The following PZP variants were observed in gnomAD, a reference collection of about 807,000 sequenced individuals.
PZP encodes PZP alpha-2-macroglobulin like.
In PZP, 150 loss-of-function variants were observed where a neutral mutation model predicts 179.8. The observed-to-expected ratio is 0.83, with a 90% CI of 0.73 to 0.96. The LOEUF is 0.96. Among genes scored for constraint, PZP ranks in the 40% least tolerant of loss-of-function variants. The probability of loss-of-function intolerance (pLI) is 0.00; values close to 1 mark genes in which losing one functional copy is unlikely to be tolerated. For synonymous variants in PZP, 624 were observed against 652.3 expected (o/e 0.96, Z 0.66); for missense variants, 1,689 against 1,764.0 (o/e 0.96, Z 0.76).
At position 9,168,885 on chromosome 12, in the gene PZP, A is replaced by T; in HGVS notation, c.2091T>A (p.Gly697=). The change falls in exon 17 of 36, where the codon GGT becomes GGA. Residue 697 remains glycine, a synonymous_variant. Coordinates refer to ENST00000261336, the MANE Select transcript of PZP (RefSeq NM_002864.3). Reference sequence around the variant, plus strand: ...CTGTTTTACCTCCATAGTATCCTTGACCTACTGCTCCTGCAGACACGGAAG... The same window carrying T: ...CTGTTTTACCTCCATAGTATCCTTGTCCTACTGCTCCTGCAGACACGGAAG... ...VIPSVSAGAV[G]QGYYGAGLGV... is the part of the protein sequence containing the mutation. The T allele has an allele frequency of 6.2e-7, 1 of 1,613,616 alleles. No homozygotes were observed. The highest frequency in any genetic ancestry group is 1.1e-5 in the South Asian group (1 of 91,024).
intron 25 of PZP, 52 bp downstream of exon 25, chr12:9,159,886 T>C (rs1021822749): frequency 6.9e-7 from 1 of 1,453,730 alleles, no homozygotes. Flanking sequence ...AGGTAATCTA[T>C]GTGCACGTTC....
chr12:9,170,485 G>A lies in PZP; in HGVS notation c.1840-894C>T, dbSNP rs766919491. On this transcript the variant is annotated intron_variant, in intron 15 of 35. Coordinates refer to ENST00000261336, the MANE Select transcript of PZP (RefSeq NM_002864.3). This position sits in a 1 kb window ranked among gnomAD's most constrained non-coding sequence, Gnocchi z 4.6. Reference sequence around the variant, plus strand: ...GGGGCTAAATTCAGAGAGCCAAAGAGCATCATCCTGTGGACCCCACTTCCA... The same window carrying A: ...GGGGCTAAATTCAGAGAGCCAAAGAACATCATCCTGTGGACCCCACTTCCA... Among the ~76,000 whole-genome samples, 12 of 152,320 alleles carry A rather than the reference G, an allele frequency of 7.9e-5. No individual in the cohort carries two copies. The East Asian group carries it at 2.3e-3, about 29-fold the overall frequency.
chr12:9,187,002 A>T (rs1355405951), intron 13 of PZP, among the ~76,000 whole-genome samples: 3 of 151,082 alleles, frequency 2.0e-5, no homozygotes, highest in South Asian at 2.1e-4. Context: ...AGTATAATTT[A>T]AAAAAAAAGA....
intron 10 of PZP, among the ~76,000 whole-genome samples, chr12:9,194,752 C>G (rs1392074264): frequency 1.3e-5 from 2 of 152,106 alleles, no homozygotes; most frequent in Non-Finnish European, 2.9e-5. Context: ...GCGTGAGCCA[C>G]CGTGCCCGGC....
At chr12:9,190,990 T>G (rs11049351) in intron 13 of PZP, among the ~76,000 whole-genome samples, 43,467 of 152,006 alleles carry the variant, frequency 0.29, 6,392 homozygotes, top group East Asian at 0.4. Context: ...TATTAAAATA[T>G]GTGGTTAAAA....
intron 7 of PZP, among the ~76,000 whole-genome samples, chr12:9,199,359 G>C (rs903564039): frequency 2.0e-5 from 3 of 152,108 alleles, no homozygotes; most frequent in Non-Finnish European, 2.9e-5. Context: ...GACAGGATTA[G>C]TATTTATGGT....
chr12:9,166,650 A>T (rs1016899244), intron 17 of PZP, among the ~76,000 whole-genome samples: 1 of 152,260 alleles, frequency 6.6e-6, no homozygotes, highest in Non-Finnish European at 1.5e-5. Flanking sequence ...TTACTTTTAC[A>T]TAAATTAAAT....
chr12:9,185,075 G>T (rs1943019273), intron 13 of PZP, among the ~76,000 whole-genome samples: 1 of 152,166 alleles, frequency 6.6e-6, no homozygotes, highest in Non-Finnish European at 1.5e-5. Flanking sequence ...TCTTAATAGG[G>T]CTGAGATGGC....
intron 22 of PZP, chr12:9,162,294 ACT>A (rs1049461404): frequency 3.7e-6 from 1 of 269,250 alleles, no homozygotes; most frequent in African/African-American, 2.2e-5. Context: ...ATCCTGGGAC[ACT>A]CTAAGCTTCT....
rs374358584 is a variant in PZP at position 9,153,120 on chromosome 12, C to T, written c.3993+5G>A. ...ACTCTCACCCATATAAGCTTGGAGC[C>T]CTACCTGAAGATACACACATCTTTC... is the stretch of plus-strand genomic sequence containing the variant. On this transcript the variant is annotated splice_donor_5th_base_variant and intron_variant, in intron 30 of 35. Transcript: ENST00000261336. 6.8e-5 allele frequency: 109 copies of T among 1,613,630 alleles called. No homozygotes were observed. Among genetic ancestry groups the T allele is most frequent in the Non-Finnish European group, 8.6e-5 (102 of 1,179,692 alleles).
At chr12:9,156,416 G>C (rs1262966181) in intron 28 of PZP, 1 of 157,756 alleles carries the variant, frequency 6.3e-6, no homozygotes, top group African/African-American at 2.4e-5. Flanking sequence ...TGGCTGATGA[G>C]ATCCTGGTAG....
intron 13 of PZP, among the ~76,000 whole-genome samples, chr12:9,188,662 G>T (rs1028748825): frequency 9.2e-5 from 14 of 152,106 alleles, no homozygotes; most frequent in African/African-American, 3.4e-4. Context: ...GCTGAAAAAT[G>T]ATGTTAGCAA....
chr12:9,188,532 G>T (rs1943261720), intron 13 of PZP, among the ~76,000 whole-genome samples: 1 of 152,134 alleles, frequency 6.6e-6, no homozygotes, highest in African/African-American at 2.4e-5. Flanking sequence ...GAACAATCGG[G>T]CAAGACAAAG....
intron 34 of PZP, 93 bp downstream of exon 34, chr12:9,150,551 T>G: frequency 1.2e-6 from 1 of 826,362 alleles, no homozygotes; most frequent in Non-Finnish European, 2.0e-6. Context: ...AAAAGATTAA[T>G]GTTGACTAAG....
At chr12:9,207,252 G>A (rs1055952431) in intron 1 of PZP, among the ~76,000 whole-genome samples, 7 of 152,320 alleles carry the variant, frequency 4.6e-5, no homozygotes, top group Admixed American at 1.3e-4. Context: ...CAGGAGACAC[G>A]ATAGGCATCT....
At chr12:9,196,286 G>T in intron 10 of PZP, 44 bp downstream of exon 10, 2 of 1,376,366 alleles carry the variant, frequency 1.5e-6, no homozygotes, top group Non-Finnish European at 2.1e-6. Context: ...GTGCTTAGGT[G>T]CAACTGGATA....
the PZP span, among the ~76,000 whole-genome samples, chr12:9,142,029 T>C: frequency 6.6e-6 from 1 of 152,208 alleles, no homozygotes; most frequent in Non-Finnish European, 1.5e-5. Context: ...TTTTCATGAC[T>C]TACATGGACA....
chr12:9,148,601 C>T (rs1239159661), downstream of PZP, among the ~76,000 whole-genome samples: 1 of 151,980 alleles, frequency 6.6e-6, no homozygotes, highest in Non-Finnish European at 1.5e-5. Context: ...ATCTTCTGAC[C>T]CTTCCAGTCC....
At position 9,201,018 on chromosome 12, in the gene PZP, G is replaced by A. The variant is rs1237247009; in HGVS notation, c.544C>T (p.Leu182=). 6.2e-7 allele frequency: 1 copy of A among 1,614,002 alleles called. No homozygotes were observed. Among genetic ancestry groups the A allele is most frequent in the African/African-American group, 1.3e-5 (1 of 74,918 alleles). ...GACAACTGATTGATGCCAGCTTCTA[G>A]CTTGAGACTCTGCCATTGTGCAATT... ...NRIAQWQSLK[L]EAGINQLSFP... Residue 182 remains leucine (L), a synonymous_variant, in exon 6 of 36, where the codon CTA becomes TTA. Coordinates refer to ENST00000261336, the MANE Select transcript of PZP (RefSeq NM_002864.3).
Sources: gnomAD v4.1 joint callset for allele counts (sites outside exome capture counted in the v4.1 genomes callset) on GRCh38, gnomAD v4.1.1 for gene constraint, Gnocchi (gnomAD v3.1) non-coding constraint, MANE v1.5 for transcripts, NCBI Gene and HGNC (gene_info 2026-07-23, HGNC 2026-07-21) for gene names.